Variants in CNTNAP5 observed in about 807,000 individuals in gnomAD.
CNTNAP5 encodes contactin associated protein family member 5.
A neutral mutation model predicts 150.2 loss-of-function variants in CNTNAP5; 72 were observed. That is an observed-to-expected ratio of 0.48 (90% CI 0.40 to 0.58). CNTNAP5 has a LOEUF of 0.58. Among genes scored for constraint, CNTNAP5 ranks in the 20% least tolerant of loss-of-function variants. The probability of loss-of-function intolerance (pLI) is 0.00; values close to 1 mark genes in which losing one functional copy is unlikely to be tolerated. For synonymous variants in CNTNAP5, 672 were observed against 619.8 expected, an observed-to-expected ratio of 1.08 and a Z score of -1.25; for missense variants, 1,636 against 1,626.2, an observed-to-expected ratio of 1.01 and a Z score of -0.10.
chr2:124,230,989 T>C (rs1045474760), intron 2 of CNTNAP5, among the ~76,000 whole-genome samples: 1 of 152,148 alleles, frequency 6.6e-6, no homozygotes, highest in Non-Finnish European at 1.5e-5. Flanking sequence ...TATGCTTTCC[T>C]CTGTTTCATC....
chr2:124,570,993 T>A (rs1304732430), intron 11 of CNTNAP5, among the ~76,000 whole-genome samples: 1 of 152,232 alleles, frequency 6.6e-6, no homozygotes, highest in Non-Finnish European at 1.5e-5. Context: ...TTTAACTTCC[T>A]CACCTGTCAT....
intron 12 of CNTNAP5, among the ~76,000 whole-genome samples, chr2:124,647,002 G>C (rs1383952484): frequency 6.6e-6 from 1 of 152,128 alleles, no homozygotes; most frequent in Non-Finnish European, 1.5e-5. Flanking sequence ...TTAATAAAAG[G>C]AAGTGATTTA....
intron 3 of CNTNAP5, among the ~76,000 whole-genome samples, chr2:124,393,245 A>G (rs1363148549): frequency 6.6e-6 from 1 of 152,070 alleles, no homozygotes; most frequent in Admixed American, 6.6e-5. Context: ...CCAAGTGACA[A>G]TTAGCCAACC....
rs571986057 is a variant in CNTNAP5, at chr2:124,438,757, A to T, written c.733+4070A>T. On this transcript the variant is annotated intron_variant, in intron 5 of 23. Transcript: ENST00000682447. Reference sequence around the variant, plus strand: ...ATGGAATGTTTATCATGTTTCTCAAATTGTACTAAATACTATAAAAGTTTT... The same window carrying T: ...ATGGAATGTTTATCATGTTTCTCAATTTGTACTAAATACTATAAAAGTTTT... Among the ~76,000 whole-genome samples the T allele has an allele frequency of 1.8e-4, 27 of 152,308 alleles. No individual in the cohort carries two copies. In the South Asian group the frequency reaches 5.4e-3, roughly 30 times the overall value.
At chr2:124,260,470 G>A (rs538921784) in intron 3 of CNTNAP5, among the ~76,000 whole-genome samples, 7 of 152,316 alleles carry the variant, frequency 4.6e-5, no homozygotes, top group Non-Finnish European at 8.8e-5. Context: ...AGGACTTCAT[G>A]TCTAAAACAC....
chr2:124,908,279 G>C (rs568598198), intron 22 of CNTNAP5, among the ~76,000 whole-genome samples: 10 of 152,206 alleles, frequency 6.6e-5, no homozygotes, highest in Admixed American at 1.3e-4. Flanking sequence ...GCTGAGGCAG[G>C]AGAGTAGCTT....
At chr2:124,859,696 T>C (rs1427027816) in intron 19 of CNTNAP5, among the ~76,000 whole-genome samples, 2 of 152,136 alleles carry the variant, frequency 1.3e-5, no homozygotes, top group African/African-American at 4.8e-5. Context: ...TAAGAAAGTG[T>C]GGCACATATA....
At chr2:124,899,790 A>G (rs543371852) in intron 21 of CNTNAP5, among the ~76,000 whole-genome samples, 2 of 151,474 alleles carry the variant, frequency 1.3e-5, no homozygotes, top group South Asian at 2.1e-4. Flanking sequence ...CTAACTCCAC[A>G]TGAATCTAAT....
At chr2:124,411,458 G>A (rs1345006482) in intron 3 of CNTNAP5, among the ~76,000 whole-genome samples, 5 of 151,918 alleles carry the variant, frequency 3.3e-5, no homozygotes, top group East Asian at 1.9e-4. Context: ...TCCTTGATGA[G>A]CATTGATTCA....
At chr2:124,567,955 T>C (rs1333066106) in intron 11 of CNTNAP5, among the ~76,000 whole-genome samples, 1 of 152,166 alleles carries the variant, frequency 6.6e-6, no homozygotes, top group African/African-American at 2.4e-5. Context: ...ATTTTACAGA[T>C]GAGAACATTG....
chr2:124,134,225 C>T (rs1683924884), intron 1 of CNTNAP5, among the ~76,000 whole-genome samples: 1 of 151,972 alleles, frequency 6.6e-6, no homozygotes, highest in South Asian at 2.1e-4. Context: ...CCATTAGTTG[C>T]CTAATCCTAC....
chr2:124,805,328 TAGAG>T (rs973082422), intron 19 of CNTNAP5, among the ~76,000 whole-genome samples: 21 of 152,036 alleles, frequency 1.4e-4, no homozygotes, highest in Non-Finnish European at 2.2e-4. Context: ...TGTGTGTATA[TAGAG>T]AGAGAGCTAT....
intron 19 of CNTNAP5, among the ~76,000 whole-genome samples, chr2:124,849,484 T>C (rs1262880145): frequency 6.6e-6 from 1 of 152,198 alleles, no homozygotes; most frequent in Non-Finnish European, 1.5e-5. Flanking sequence ...TCCAGCCTTG[T>C]TCTTCTTTCT....
At chr2:124,420,813 A>C (rs1692084616) in intron 4 of CNTNAP5, among the ~76,000 whole-genome samples, 1 of 152,128 alleles carries the variant, frequency 6.6e-6, no homozygotes, top group Admixed American at 6.5e-5. Flanking sequence ...CCAGACCCAC[A>C]ATTGTATAAG....
At chr2:124,323,089 G>A (rs988074349) in intron 3 of CNTNAP5, among the ~76,000 whole-genome samples, 19 of 152,262 alleles carry the variant, frequency 1.2e-4, no homozygotes, top group African/African-American at 4.1e-4. Context: ...AACAGATATG[G>A]CATATTATAA....
chr2:124,637,704 CT>C, intron 12 of CNTNAP5, among the ~76,000 whole-genome samples: 1 of 152,228 alleles, frequency 6.6e-6, no homozygotes, highest in Non-Finnish European at 1.5e-5. Context: ...CTACAATTTC[CT>C]TTCATATTTA....
chr2:124,094,108 T>G (rs2104689082), intron 1 of CNTNAP5, among the ~76,000 whole-genome samples: 1 of 152,330 alleles, frequency 6.6e-6, no homozygotes, highest in South Asian at 2.1e-4. Context: ...TTTAGCACAA[T>G]AAATCAAAGA....
At position 124,417,664 on chromosome 2, in the gene CNTNAP5, A is replaced by G. The variant is rs1340120643; in HGVS notation, c.529+74A>G. 1.3e-5 allele frequency: 17 copies of G among 1,343,000 alleles called. No individual in the cohort carries two copies. In the East Asian group the frequency reaches 3.6e-4, roughly 29 times the overall value. 83.2% of individuals were successfully genotyped at this position (1,343,000 alleles called of 1,614,324 possible). On this transcript the variant is annotated intron_variant, in intron 4 of 23. Transcript: ENST00000682447. ...GCCTACGTAACATCAGTTTATCTACATTGAGATTGACAATCATCTTATTTT... is the reference window on the plus strand; with the variant it reads ...GCCTACGTAACATCAGTTTATCTACGTTGAGATTGACAATCATCTTATTTT...
At chr2:124,148,067 C>T (rs892643076) in intron 1 of CNTNAP5, among the ~76,000 whole-genome samples, 6 of 152,254 alleles carry the variant, frequency 3.9e-5, no homozygotes, top group African/African-American at 1.2e-4. Flanking sequence ...TGCCTCACAC[C>T]AAGGTTTCAC....
Sources: allele counts gnomAD v4.1 joint callset (sites outside exome capture counted in the v4.1 genomes callset), GRCh38; gene constraint gnomAD v4.1.1; transcripts MANE v1.5; gene names NCBI Gene and HGNC (gene_info 2026-07-23, HGNC 2026-07-21).